Variants in DZANK1 observed in about 807,000 individuals in gnomAD.
The protein encoded by DZANK1 is double zinc ribbon and ankyrin repeat-containing protein 1.
In DZANK1, 91 loss-of-function variants were observed where a neutral mutation model predicts 94.5. That is an observed-to-expected ratio of 0.96 (90% CI 0.81 to 1.15). The LOEUF (loss-of-function observed/expected upper bound fraction) is 1.15. Ranked by LOEUF, DZANK1 falls within the 50% of genes most tolerant of loss-of-function variation. The pLI, the probability that DZANK1 is intolerant of heterozygous loss-of-function variation, is 0.00. For synonymous variants in DZANK1, 312 were observed against 325.3 expected, an observed-to-expected ratio of 0.96 and a Z score of 0.44; for missense variants, 903 against 916.4, an observed-to-expected ratio of 0.99 and a Z score of 0.19.
At chr20:18,398,987 C>T (rs2056518167) in intron 13 of DZANK1, among the ~76,000 whole-genome samples, 1 of 152,004 alleles carries the variant, frequency 6.6e-6, no homozygotes, top group Non-Finnish European at 1.5e-5. Flanking sequence ...TAAAAATTAG[C>T]CGAGCATGGT....
Position 18,445,202 on chromosome 20 carries a change from A to G in DZANK1, c.630-1738T>C, listed in dbSNP as rs2058835057. Among the ~76,000 whole-genome samples, 3 of 152,202 alleles carry G rather than the reference A, an allele frequency of 2.0e-5. No homozygotes were observed. The South Asian group carries it at 6.2e-4, about 32-fold the overall frequency. On this transcript the variant is annotated intron_variant, in intron 7 of 20. Coordinates refer to ENST00000262547, the Ensembl canonical transcript of DZANK1. Reference sequence around the variant, plus strand: ...GGAGTGACAACATTAACATCAGAACAAGTAGGTTTCTGAGCAAAGAATATT... The same window carrying G: ...GGAGTGACAACATTAACATCAGAACGAGTAGGTTTCTGAGCAAAGAATATT...
At chr20:18,430,597 G>A (rs1487639917) in intron 9 of DZANK1, among the ~76,000 whole-genome samples, 1 of 152,156 alleles carries the variant, frequency 6.6e-6, no homozygotes. Flanking sequence ...GGAGGATCAT[G>A]TGAGCTCAGG....
intron 8 of DZANK1, among the ~76,000 whole-genome samples, chr20:18,442,199 A>G (rs1394113715): frequency 2.0e-5 from 3 of 152,240 alleles, no homozygotes; most frequent in East Asian, 1.9e-4. Flanking sequence ...TTAAATATTT[A>G]TAATCACTGA....
intron 13 of DZANK1, among the ~76,000 whole-genome samples, chr20:18,404,805 G>A (rs1372030377): frequency 6.6e-6 from 1 of 152,096 alleles, no homozygotes; most frequent in African/African-American, 2.4e-5. Flanking sequence ...CCTGCAACTC[G>A]AGAGGCTGAG....
At chr20:18,427,216 A>T in intron 9 of DZANK1, 57 bp from the exon 10 acceptor site, 1 of 1,347,258 alleles carries the variant, frequency 7.4e-7, no homozygotes, top group Non-Finnish European at 1.0e-6. Context: ...TGTGCAAAGA[A>T]ATCATCAACC....
chr20:18,392,031 C>T (rs928970534), intron 17 of DZANK1, among the ~76,000 whole-genome samples: 5 of 152,162 alleles, frequency 3.3e-5, no homozygotes, highest in Admixed American at 2.0e-4. Flanking sequence ...ATTTTCAACA[C>T]GTAGAACAGT....
At chr20:18,419,381 A>T (rs778822699) in intron 10 of DZANK1, among the ~76,000 whole-genome samples, 3 of 152,228 alleles carry the variant, frequency 2.0e-5, no homozygotes, top group African/African-American at 7.2e-5. Flanking sequence ...TAGAAAAATA[A>T]AGAAATCATG....
intron 3 of DZANK1, among the ~76,000 whole-genome samples, chr20:18,457,903 C>T (rs2059344805): frequency 1.3e-5 from 2 of 152,188 alleles, no homozygotes; most frequent in Admixed American, 1.3e-4. Context: ...GCAGCCTCTG[C>T]CACATCATCA....
At chr20:18,448,641 G>T (rs1001885059) in intron 7 of DZANK1, among the ~76,000 whole-genome samples, 1 of 152,160 alleles carries the variant, frequency 6.6e-6, no homozygotes, top group African/African-American at 2.4e-5. Flanking sequence ...GACCGAGGTG[G>T]GCAGATCACG....
intron 7 of DZANK1, among the ~76,000 whole-genome samples, chr20:18,446,595 A>G (rs773041677): frequency 9.9e-5 from 15 of 152,222 alleles, no homozygotes; most frequent in Non-Finnish European, 1.9e-4. Context: ...CTAAAAAAAG[A>G]ACAAATTAAA....
At chr20:18,433,872 G>A (rs920144141) in intron 8 of DZANK1, 107 bp from the exon 9 acceptor site, 26 of 852,988 alleles carry the variant, frequency 3.0e-5, no homozygotes, top group Admixed American at 1.9e-4. Flanking sequence ...GAACATTCCC[G>A]ATCTCATCTG....
chr20:18,399,742 C>A (rs7508959), intron 13 of DZANK1, among the ~76,000 whole-genome samples: 1 of 152,182 alleles, frequency 6.6e-6, no homozygotes, highest in African/African-American at 2.4e-5. Context: ...AGGCGGAAGA[C>A]GCAGGGGCAC....
intron 13 of DZANK1, among the ~76,000 whole-genome samples, chr20:18,406,395 G>T (rs772279847): frequency 6.6e-6 from 1 of 152,224 alleles, no homozygotes; most frequent in Non-Finnish European, 1.5e-5. Context: ...AGAGCCGTAA[G>T]GCCCCCCTTC....
intron 19 of DZANK1, 73 bp downstream of exon 19, chr20:18,389,628 C>A: frequency 1.3e-6 from 2 of 1,588,146 alleles, no homozygotes; most frequent in South Asian, 1.2e-5. Flanking sequence ...GTGTAGACCG[C>A]TTCTGCTGCA....
intron 1 of DZANK1, among the ~76,000 whole-genome samples, chr20:18,466,582 GATAAA>G (rs2059663200): frequency 6.6e-6 from 1 of 152,168 alleles, no homozygotes; most frequent in Non-Finnish European, 1.5e-5. Context: ...GTGAAAGGCA[GATAAA>G]ATAAAAGTAG....
chr20:18,384,274 G>T, exon 21 of DZANK1: 1 of 1,001,966 alleles, frequency 1.0e-6, no homozygotes, highest in Non-Finnish European at 1.4e-6. Context: ...GGTCAGGCTG[G>T]TCTTGAACTC....
At chr20:18,466,464 C>T (rs903698056) in intron 1 of DZANK1, among the ~76,000 whole-genome samples, 2 of 152,118 alleles carry the variant, frequency 1.3e-5, no homozygotes, top group African/African-American at 2.4e-5. Context: ...TTGGATAGTT[C>T]CGGATCTAGG....
chr20:18,394,193 C>A, intron 16 of DZANK1, 61 bp downstream of exon 16: 1 of 1,447,924 alleles, frequency 6.9e-7, no homozygotes, highest in Non-Finnish European at 9.5e-7. Context: ...CTCTGCTATA[C>A]CTGCCAAGTC....
At chr20:18,393,191 G>C (rs746843724) in intron 17 of DZANK1, among the ~76,000 whole-genome samples, 2 of 152,100 alleles carry the variant, frequency 1.3e-5, no homozygotes. Context: ...GCTGAAACCC[G>C]TGAGAGCGCT....
Sources: gnomAD v4.1 joint callset for allele counts (sites outside exome capture counted in the v4.1 genomes callset) on GRCh38, gnomAD v4.1.1 for gene constraint, MANE v1.5 for transcripts, NCBI Gene and HGNC (gene_info 2026-07-23, HGNC 2026-07-21) for gene names.